Variants in ADGRG6 observed in about 807,000 individuals in gnomAD.
The protein encoded by ADGRG6 is G-protein coupled receptor 126.
Under a neutral mutation model 142.4 loss-of-function variants are expected in ADGRG6, and 84 were observed. The ratio of observed to expected loss-of-function variants is 0.59; its 90% CI spans 0.49 to 0.71. The LOEUF is 0.71. ADGRG6 is among the 30% of genes least tolerant of loss of function. ADGRG6 has a pLI of 0.00. For synonymous variants in ADGRG6, 521 were observed against 520.5 expected, an observed-to-expected ratio of 1.00 and a Z score of -0.01; for missense variants, 1,367 against 1,466.6, an observed-to-expected ratio of 0.93 and a Z score of 1.11.
At chr6:142,441,947 C>T (rs1407477177) in intron 24 of ADGRG6, among the ~76,000 whole-genome samples, 4 of 152,206 alleles carry the variant, frequency 2.6e-5, no homozygotes, top group Non-Finnish European at 5.9e-5. Flanking sequence ...ATTCTTCTCT[C>T]TAGCATCCTT....
Position 142,438,198 on chromosome 6 carries a change from A to G in ADGRG6, c.3422-14A>G. On this transcript the variant is annotated splice_polypyrimidine_tract_variant and intron_variant, in intron 23 of 24. Transcript: ENST00000367609. ...TAAAGCAGATTGATAGGGTGATGTC[A>G]TTTTTTTTTTCAGATTGGAGTAAGA... 1.4e-6 allele frequency: 2 copies of G among 1,421,428 alleles called. No homozygotes were observed. The highest frequency in any genetic ancestry group is 1.9e-6 in the Non-Finnish European group (2 of 1,045,552). The allele number at this position is 1,421,428 out of a possible 1,614,324, so 88.1% of individuals were successfully genotyped here. A position where few individuals can be genotyped will look rare whatever the true frequency, so the allele number is the denominator to read the frequency against.
chr6:142,365,203 T>C (rs1410641052), intron 2 of ADGRG6, among the ~76,000 whole-genome samples: 1 of 152,210 alleles, frequency 6.6e-6, no homozygotes, highest in African/African-American at 2.4e-5. Context: ...TTCAGTCCTG[T>C]GCTGTGAGTG....
chr6:142,399,426 G>A (rs947269267), intron 10 of ADGRG6, among the ~76,000 whole-genome samples: 29 of 152,140 alleles, frequency 1.9e-4, no homozygotes, highest in African/African-American at 6.8e-4. Context: ...GCTTTTTGGA[G>A]GGAGGGAGAA....
At chr6:142,314,298 A>G (rs912894584) in intron 2 of ADGRG6, among the ~76,000 whole-genome samples, 2 of 152,192 alleles carry the variant, frequency 1.3e-5, no homozygotes, top group African/African-American at 4.8e-5. Context: ...AGTGACCCGC[A>G]GTGTGATGGG....
At chr6:142,413,937 A>ACACACACACACC (rs1582653563) in intron 18 of ADGRG6, among the ~76,000 whole-genome samples, 2 of 149,252 alleles carry the variant, frequency 1.3e-5, no homozygotes, top group South Asian at 2.1e-4. Flanking sequence ...ACACACACAC[A>ACACACACACACC]ACTTAAGGCC....
chr6:142,395,908 A>G (rs965592593), intron 9 of ADGRG6, among the ~76,000 whole-genome samples: 2 of 152,160 alleles, frequency 1.3e-5, no homozygotes, highest in African/African-American at 2.4e-5. Context: ...GTCATACTCT[A>G]TTGCCTAGAC....
chr6:142,317,655 T>A (rs867479900), intron 2 of ADGRG6, among the ~76,000 whole-genome samples: 1 of 136,748 alleles, frequency 7.3e-6, no homozygotes, highest in Non-Finnish European at 1.5e-5. Flanking sequence ...GGGTGTATAT[T>A]ATATATATAG....
At chr6:142,425,237 G>A (rs1175890097) in intron 22 of ADGRG6, among the ~76,000 whole-genome samples, 1 of 152,142 alleles carries the variant, frequency 6.6e-6, no homozygotes, top group East Asian at 1.9e-4. Context: ...GTGGTGAATG[G>A]ATTAGAGCTG....
At chr6:142,313,763 T>C (rs954981870) in intron 2 of ADGRG6, among the ~76,000 whole-genome samples, 8 of 152,262 alleles carry the variant, frequency 5.3e-5, no homozygotes, top group Admixed American at 5.2e-4. Flanking sequence ...TTTCTTATGA[T>C]CATAACATCA....
rs1252064819 is a variant in ADGRG6, at chr6:142,393,995, T to C, written c.1424+37T>C. ...AAGTATTGTAAAGAGTATAACATTCTTTCTCTTGCTCACTACTTTATCTGG... is the reference window on the plus strand; with the variant it reads ...AAGTATTGTAAAGAGTATAACATTCCTTCTCTTGCTCACTACTTTATCTGG... On this transcript the variant is annotated intron_variant, in intron 9 of 24. Transcript: ENST00000367609. The C allele has an allele frequency of 3.9e-6, 5 of 1,270,996 alleles. No homozygotes were observed. In the East Asian group the frequency reaches 1.0e-4, roughly 26 times the overall value. The allele number at this position is 1,270,996 out of a possible 1,614,324, so 78.7% of individuals were successfully genotyped here.
rs1159099887 is a variant in ADGRG6 at position 142,415,103 on chromosome 6, A to G, written c.2669+7A>G. 3 of 1,606,616 alleles carry G rather than the reference A, an allele frequency of 1.9e-6. No homozygotes were observed. The highest frequency in any genetic ancestry group is 2.7e-5 in the African/African-American group (2 of 74,656). On this transcript the variant is annotated splice_region_variant and intron_variant, in intron 19 of 24. Transcript: ENST00000367609. Reference sequence around the variant, plus strand: ...TGACATATGTTGCTTTTGAGTAAGTATATTTTTAATCTGCCAAACCCATTG... The same window carrying G: ...TGACATATGTTGCTTTTGAGTAAGTGTATTTTTAATCTGCCAAACCCATTG...
At chr6:142,374,006 GTTCTTATAAA>G in intron 4 of ADGRG6, among the ~76,000 whole-genome samples, 2 of 144,908 alleles carry the variant, frequency 1.4e-5, no homozygotes, top group South Asian at 4.4e-4. Flanking sequence ...AAGCTCCCTT[GTTCTTATAAA>G]TAAAGTTTAA....
rs569221097 is a variant in ADGRG6 at position 142,345,721 on chromosome 6, A to G, written c.104-21848A>G. Among the ~76,000 whole-genome samples, 74 of 152,254 alleles carry G rather than the reference A, an allele frequency of 4.9e-4. 1 individual carries two copies. In the Middle Eastern group the frequency reaches 0.01, roughly 21 times the overall value. Reference sequence around the variant, plus strand: ...ATATTTTTCCAGTGACAGCATGGCTATTTGTCTGAGGCAAAAGTATAACCA... The same window carrying G: ...ATATTTTTCCAGTGACAGCATGGCTGTTTGTCTGAGGCAAAAGTATAACCA... On this transcript the variant is annotated intron_variant, in intron 2 of 24. Transcript: ENST00000367609.
chr6:142,375,919 T>C (rs1363358976), intron 4 of ADGRG6, among the ~76,000 whole-genome samples: 1 of 152,178 alleles, frequency 6.6e-6, no homozygotes, highest in Non-Finnish European at 1.5e-5. Flanking sequence ...ATAAATACTC[T>C]AACGATTTTA....
intron 2 of ADGRG6, among the ~76,000 whole-genome samples, chr6:142,311,831 G>T (rs2114525791): frequency 6.6e-6 from 1 of 152,036 alleles, no homozygotes; most frequent in South Asian, 2.1e-4. Context: ...AACTTTAAAT[G>T]TGCAAACAGG....
At chr6:142,312,434 T>G (rs1373149315) in intron 2 of ADGRG6, among the ~76,000 whole-genome samples, 2 of 152,076 alleles carry the variant, frequency 1.3e-5, no homozygotes, top group African/African-American at 4.8e-5. Flanking sequence ...TGACAAGTGA[T>G]GATTATAACC....
intron 2 of ADGRG6, among the ~76,000 whole-genome samples, chr6:142,360,650 C>T (rs761669089): frequency 6.6e-6 from 1 of 151,886 alleles, no homozygotes; most frequent in Non-Finnish European, 1.5e-5. Flanking sequence ...CTTTTCTTTT[C>T]TTTTATTTAT....
chr6:142,420,321 C>G (rs1776599530), intron 22 of ADGRG6, among the ~76,000 whole-genome samples: 1 of 152,098 alleles, frequency 6.6e-6, no homozygotes, highest in South Asian at 2.1e-4. Flanking sequence ...ATATGCCAAG[C>G]ACCTAGAACA....
intron 23 of ADGRG6, 155 bp from the exon 24 acceptor site, chr6:142,438,057 C>A: frequency 2.0e-6 from 1 of 508,980 alleles, no homozygotes; most frequent in Non-Finnish European, 3.4e-6. Flanking sequence ...TTATCAATAT[C>A]CTCTTATTGT....
Sources: gnomAD v4.1 joint callset for allele counts (sites outside exome capture counted in the v4.1 genomes callset) on GRCh38, gnomAD v4.1.1 for gene constraint, MANE v1.5 for transcripts, NCBI Gene and HGNC (gene_info 2026-07-23, HGNC 2026-07-21) for gene names.